The following KCNC4 variants were observed in gnomAD, a reference collection of about 807,000 sequenced individuals.
KCNC4 encodes the protein voltage-gated potassium channel KCNC4.
A neutral mutation model predicts 42.8 loss-of-function variants in KCNC4; 23 were observed. That is an observed-to-expected ratio of 0.54 (90% CI 0.39 to 0.76). The LOEUF (loss-of-function observed/expected upper bound fraction) is 0.76. Ranked by LOEUF, KCNC4 falls within the 30% of genes least tolerant of loss-of-function variation. The pLI, the probability that KCNC4 is intolerant of heterozygous loss-of-function variation, is 0.00. For synonymous variants in KCNC4, 422 were observed against 393.5 expected (o/e 1.07, Z -0.86); for missense variants, 751 against 898.2 (o/e 0.84, Z 2.10).
chr1:110,230,363 G>A (rs970105573), intron 3 of KCNC4, among the ~76,000 whole-genome samples: 3 of 152,162 alleles, frequency 2.0e-5, no homozygotes, highest in Non-Finnish European at 4.4e-5. Flanking sequence ...AGATGCGAGG[G>A]CCCCTCCCCC....
At chr1:110,263,826 G>A (rs12130721) in intron 1 of KCNC4, among the ~76,000 whole-genome samples, 9 of 150,456 alleles carry the variant, frequency 6.0e-5, no homozygotes, top group South Asian at 2.1e-4. Flanking sequence ...TTCAGTGAGG[G>A]GGGGGAGCTG....
At chr1:110,225,589 A>C in intron 2 of KCNC4, 1 of 178,126 alleles carries the variant, frequency 5.6e-6, no homozygotes, top group Non-Finnish European at 1.2e-5. Flanking sequence ...GGTATTCTCC[A>C]CGGGAAAGCA....
chr1:110,252,679 C>T (rs373377325), downstream of KCNC4, among the ~76,000 whole-genome samples: 9 of 152,204 alleles, frequency 5.9e-5, 1 homozygote, highest in African/African-American at 2.2e-4. Context: ...TACTCTGTGC[C>T]AAATATTTTA....
intron 1 of KCNC4, among the ~76,000 whole-genome samples, chr1:110,215,240 C>G (rs570879643): frequency 6.6e-6 from 1 of 152,352 alleles, no homozygotes; most frequent in Non-Finnish European, 1.5e-5. Flanking sequence ...AGGCAGGCTC[C>G]TGGACTGGGA....
chr1:110,217,146 G>T (rs1657842269), intron 1 of KCNC4, among the ~76,000 whole-genome samples: 1 of 152,170 alleles, frequency 6.6e-6, no homozygotes, highest in African/African-American at 2.4e-5. Context: ...GCAGTCAAGG[G>T]AAATTAGGTG....
intron 2 of KCNC4, 42 bp from the exon 3 acceptor site, chr1:110,225,932 AG>A: frequency 2.0e-6 from 3 of 1,521,742 alleles, no homozygotes; most frequent in Non-Finnish European, 2.7e-6. Flanking sequence ...AGCAAGGCTC[AG>A]GTCGCCCCTC....
In KCNC4 at chr1:110,223,218, G is replaced by A; in HGVS notation, c.933G>A (p.Lys311=). 6.2e-7 allele frequency: 1 copy of A among 1,614,224 alleles called. No homozygotes were observed. Among genetic ancestry groups the A allele is most frequent in the Non-Finnish European group, 8.5e-7 (1 of 1,180,042 alleles). ...GCCCCGACACGCTGGACTTCGTCAA[G>A]AACCTGCTCAACATCATCGACTTTG... ...VCCPDTLDFV[K]NLLNIIDFVA... is the part of the protein sequence containing the mutation. Residue 311 remains lysine (K), a synonymous_variant, in exon 2 of 4, where the codon AAG becomes AAA. Coordinates refer to ENST00000438661, the MANE Select transcript of KCNC4 (RefSeq NM_001039574.3). The surrounding 1 kb of genome is among the most constrained non-coding windows in gnomAD (Gnocchi z 7.5).
chr1:110,253,925 CCG>C (rs1204517540), downstream of KCNC4, among the ~76,000 whole-genome samples: 2 of 152,122 alleles, frequency 1.3e-5, no homozygotes, highest in East Asian at 3.9e-4. Flanking sequence ...TATAGGGCCC[CCG>C]CCCTACTTCA....
chr1:110,274,344 T>A (rs552223478), intron 1 of KCNC4, among the ~76,000 whole-genome samples: 1 of 152,146 alleles, frequency 6.6e-6, no homozygotes, highest in Admixed American at 6.5e-5. Context: ...TACAAAACAC[T>A]GATGAAAGAA....
downstream of KCNC4, among the ~76,000 whole-genome samples, chr1:110,250,332 C>T (rs900777993): frequency 3.9e-5 from 6 of 152,226 alleles, no homozygotes; most frequent in African/African-American, 9.6e-5. Flanking sequence ...TCTTGCCCTA[C>T]TGCCTTCTAC....
intron 1 of KCNC4, among the ~76,000 whole-genome samples, chr1:110,276,995 A>T (rs534774831): frequency 6.6e-6 from 1 of 152,306 alleles, no homozygotes; most frequent in South Asian, 2.1e-4. Context: ...AGAGACTCAG[A>T]TTTTACCAAA....
At chr1:110,251,499 G>A (rs1659250981), downstream of KCNC4, among the ~76,000 whole-genome samples, 1 of 152,162 alleles carries the variant, frequency 6.6e-6, no homozygotes, top group Non-Finnish European at 1.5e-5. Context: ...CCAGCCATGT[G>A]GAACTGTGAG....
exon 4 of KCNC4, chr1:110,244,387 AT>A (rs1659098155): frequency 1.6e-4 from 2 of 12,200 alleles, no homozygotes; most frequent in Non-Finnish European, 3.0e-4. Context: ...AATAATAATA[AT>A]AAATAACAAA....
intron 2 of KCNC4, 135 bp from the exon 3 acceptor site, chr1:110,225,840 G>A (rs2101022971): frequency 1.2e-6 from 1 of 810,656 alleles, no homozygotes; most frequent in Non-Finnish European, 2.0e-6. Context: ...CTCTGGCAAT[G>A]CTGCCTCTCA....
At position 110,211,553 on chromosome 1, in the gene KCNC4, G is replaced by A; in HGVS notation, c.54G>A (p.Lys18=). Reference sequence around the variant, plus strand: ...ACCGCGGGCGCAAGTCGGGGAACAAGCCTCCGTCCAAAACATGTCTGAAGG... The same window carrying A: ...ACCGCGGGCGCAAGTCGGGGAACAAACCTCCGTCCAAAACATGTCTGAAGG... ...SSYRGRKSGN[K]PPSKTCLKEE... is the part of the protein sequence containing the mutation. Residue 18 remains lysine (K), a synonymous_variant, in exon 1 of 4, where the codon AAG becomes AAA. Coordinates refer to ENST00000438661, the MANE Select transcript of KCNC4 (RefSeq NM_001039574.3). The surrounding 1 kb of genome is among the most constrained non-coding windows in gnomAD (Gnocchi z 6.5). 6.2e-7 allele frequency: 1 copy of A among 1,614,098 alleles called. No homozygotes were observed. The highest frequency in any genetic ancestry group is 1.3e-5 in the African/African-American group (1 of 75,064).
chr1:110,220,006 C>G (rs1658002451), intron 1 of KCNC4: 1 of 152,200 alleles, frequency 6.6e-6, no homozygotes, highest in Admixed American at 6.5e-5. Flanking sequence ...CTGGAGAGGC[C>G]ACAGTGGAGA....
chr1:110,266,429 T>A (rs1358192785), intron 1 of KCNC4, among the ~76,000 whole-genome samples: 2 of 152,280 alleles, frequency 1.3e-5, no homozygotes, highest in Admixed American at 6.5e-5. Context: ...TCTGCAAGGT[T>A]TTTGGAAGAC....
downstream of KCNC4, chr1:110,238,678 C>G (rs1467471919): frequency 1.3e-5 from 2 of 152,240 alleles, no homozygotes; most frequent in African/African-American, 2.4e-5. Context: ...TGATGCCGAG[C>G]TGTGATCCCA....
intron 1 of KCNC4, among the ~76,000 whole-genome samples, chr1:110,276,935 G>A (rs1307894131): frequency 1.3e-5 from 2 of 152,202 alleles, no homozygotes; most frequent in Non-Finnish European, 2.9e-5. Context: ...ACAGTGCTGA[G>A]AGCCGGGTCA....
Sources: gnomAD v4.1 joint callset for allele counts (sites outside exome capture counted in the v4.1 genomes callset) on GRCh38, gnomAD v4.1.1 for gene constraint, Gnocchi (gnomAD v3.1) non-coding constraint, MANE v1.5 for transcripts, NCBI Gene and HGNC (gene_info 2026-07-23, HGNC 2026-07-21) for gene names.